Variants in MRPS23 observed in about 807,000 individuals in gnomAD.
MRPS23 encodes small ribosomal subunit protein mS23.
Under a neutral mutation model 19.8 loss-of-function variants are expected in MRPS23, and 14 were observed. That is an observed-to-expected ratio of 0.71 (90% CI 0.47 to 1.11). The LOEUF (loss-of-function observed/expected upper bound fraction) is 1.11. MRPS23 is among the 50% of genes least tolerant of loss of function. The probability of loss-of-function intolerance (pLI) is 0.00; values close to 1 mark genes in which losing one functional copy is unlikely to be tolerated. For synonymous variants in MRPS23, 113 were observed against 89.7 expected (o/e 1.26, Z -1.47); for missense variants, 242 against 236.7 (o/e 1.02, Z -0.15).
In MRPS23 at chr17:57,837,825, A is replaced by C. The variant is rs551526619; in HGVS notation, c.*1958T>G. 1.1e-3 allele frequency: 162 copies of C among 153,204 alleles called. No homozygotes were observed. Among genetic ancestry groups the C allele is most frequent in the Middle Eastern group, 3.3e-3 (1 of 300 alleles). 9.5% of individuals were successfully genotyped at this position (153,204 alleles called of 1,614,324 possible). The stretch of plus-strand genomic sequence containing the variant: ...ATCTCTACAAAAAAAAACAAACAAA[A>C]AAAATGTTAAAGAGCCAGGCGTGGT... On this transcript the variant is annotated 3_prime_UTR_variant, in exon 5 of 5. Transcript: ENST00000313608.
intron 1 of MRPS23, 66 bp downstream of exon 1, chr17:57,849,901 C>A: frequency 6.5e-7 from 1 of 1,533,292 alleles, no homozygotes; most frequent in Non-Finnish European, 8.8e-7. Context: ...CAAGGAAGAG[C>A]GTGACCGGCT....
In MRPS23 at chr17:57,844,894, T is replaced by TTTTA. The variant is rs550238049; in HGVS notation, c.216-3638_216-3635dup. 2.0e-5 allele frequency among the ~76,000 whole-genome samples: 3 copies of TTTTA among 151,986 alleles called. 1 individual carries two copies. The highest frequency in any genetic ancestry group is 1.9e-4 in the East Asian group (1 of 5,196). On this transcript the variant is annotated intron_variant, in intron 2 of 4. Transcript: ENST00000313608. ...AGAAGCACAAATGATTTTTTAAATTTTTTATTTATTTATTTATTTTTGAGT... is the reference window on the plus strand; with the variant it reads ...AGAAGCACAAATGATTTTTTAAATTTTTTATTTATTTATTTATTTATTTTTGAGT...
At chr17:57,846,724 G>A (rs542698090) in intron 2 of MRPS23, among the ~76,000 whole-genome samples, 6 of 151,864 alleles carry the variant, frequency 4.0e-5, no homozygotes, top group African/African-American at 1.2e-4. Flanking sequence ...CAGCATGCTC[G>A]TTAAGAGTCA....
In MRPS23 at chr17:57,849,325, G is replaced by C; in HGVS notation, c.130C>G (p.Pro44Ala). 6.2e-7 allele frequency: 1 copy of C among 1,614,214 alleles called. No individual in the cohort carries two copies. The highest frequency in any genetic ancestry group is 8.5e-7 in the Non-Finnish European group (1 of 1,180,048). The change falls in exon 2 of 5, where the codon CCC becomes GCC. Residue 44 changes from proline (P) to alanine (A), a missense_variant. Coordinates refer to ENST00000313608, the MANE Select transcript of MRPS23 (RefSeq NM_016070.4). Reference sequence around the variant, plus strand: ...CGCACTCGAGGCCTTTGGAAGACGGGCTCCCTCAGCGGGGGAAAGGCGTCA... The same window carrying C: ...CGCACTCGAGGCCTTTGGAAGACGGCCTCCCTCAGCGGGGGAAAGGCGTCA... The part of the protein sequence containing the change: ...VYDAFPPLRE[P>A]VFQRPRVRYG...
At chr17:57,846,195 G>C (rs559904160) in intron 2 of MRPS23, among the ~76,000 whole-genome samples, 1 of 150,530 alleles carries the variant, frequency 6.6e-6, no homozygotes, top group Non-Finnish European at 1.5e-5. Context: ...CGCCCCGTCC[G>C]GGAGGGAGGT....
At chr17:57,846,026 A>T (rs1311298875) in intron 2 of MRPS23, among the ~76,000 whole-genome samples, 2 of 152,142 alleles carry the variant, frequency 1.3e-5, no homozygotes, top group African/African-American at 4.8e-5. Context: ...AATTCAGGGC[A>T]CACAAAAGGG....
intron 2 of MRPS23, among the ~76,000 whole-genome samples, chr17:57,844,680 G>A (rs557805310): frequency 2.0e-5 from 3 of 147,328 alleles, no homozygotes; most frequent in Non-Finnish European, 4.5e-5. Context: ...CTGAGAAGGA[G>A]AAATGCTTGA....
chr17:57,848,428 G>A (rs2073790352), intron 2 of MRPS23, among the ~76,000 whole-genome samples: 1 of 152,002 alleles, frequency 6.6e-6, no homozygotes, highest in Non-Finnish European at 1.5e-5. Context: ...AGGCTGGAGT[G>A]CAGTGGTGGG....
rs72033122 is a variant in MRPS23 at position 57,837,988 on chromosome 17, T to TA, written c.*1794dup. The TA allele has an allele frequency of 0.045, 6,081 of 134,416 alleles. 143 individuals carry two copies. The highest frequency in any genetic ancestry group is 0.071 in the Middle Eastern group (18 of 252). The allele number at this position is 134,416 out of a possible 1,614,324, so 8.3% of individuals were successfully genotyped here. ...AGACCCCCATCTCCTAAAACAAAAT[T>TA]AAAAAAAAAAAAAATTAAGGCCAGG... On this transcript the variant is annotated 3_prime_UTR_variant, in exon 5 of 5. Transcript: ENST00000313608.
intron 2 of MRPS23, among the ~76,000 whole-genome samples, chr17:57,842,182 G>C (rs2073743969): frequency 6.6e-6 from 1 of 152,076 alleles, no homozygotes; most frequent in Non-Finnish European, 1.5e-5. Context: ...GCCTGGCTAA[G>C]TTTTAAATTT....
chr17:57,835,812 G>A lies in MRPS23; in HGVS notation c.*3971C>T. 1 of 152,172 alleles carries A rather than the reference G, an allele frequency of 6.6e-6. No homozygotes were observed. Among genetic ancestry groups the A allele is most frequent in the East Asian group, 1.9e-4 (1 of 5,194 alleles). 9.4% of individuals were successfully genotyped at this position (152,172 alleles called of 1,614,324 possible). A position where few individuals can be genotyped will look rare whatever the true frequency, so the allele number is the denominator to read the frequency against. On this transcript the variant is annotated 3_prime_UTR_variant, in exon 5 of 5. Transcript: ENST00000313608. ...TCTAGAACCCAAATCTTCATTACTTGTCTGGGGCAAACTTCACTGTAACCT... is the reference window on the plus strand; with the variant it reads ...TCTAGAACCCAAATCTTCATTACTTATCTGGGGCAAACTTCACTGTAACCT...
chr17:57,835,059 G>A lies in MRPS23; in HGVS notation c.*4724C>T, dbSNP rs557349500. The A allele has an allele frequency of 6.6e-6, 1 of 152,302 alleles. No individual in the cohort carries two copies. Among genetic ancestry groups the A allele is most frequent in the East Asian group, 1.9e-4 (1 of 5,172 alleles). The allele number at this position is 152,302 out of a possible 1,614,324, so 9.4% of individuals were successfully genotyped here. On this transcript the variant is annotated 3_prime_UTR_variant, in exon 5 of 5. Transcript: ENST00000313608. ...GACATATAGATGATGGAAGACATGG[G>A]ACGTGAATTTCTTTTGCTGGCTTTC...
Position 57,849,971 on chromosome 17 carries a change from A to T in MRPS23, c.40T>A (p.Ser14Thr). Residue 14 changes from serine (S) to threonine (T), a missense_variant, in exon 1 of 5, where the codon TCT becomes ACT. Ser to Thr is a moderately conservative substitution (Grantham distance 58). Coordinates refer to ENST00000313608, the MANE Select transcript of MRPS23 (RefSeq NM_016070.4). ...ACCACGGCTGGGAGCACACACCGAGAGAAGATGCTCCCTACGGTTTCCAGC... is the reference window on the plus strand; with the variant it reads ...ACCACGGCTGGGAGCACACACCGAGTGAAGATGCTCCCTACGGTTTCCAGC... ...SRLETVGSIF[S>T]RTRDLVRAGV... 1 of 1,589,590 alleles carries T rather than the reference A, an allele frequency of 6.3e-7. No individual in the cohort carries two copies. The highest frequency in any genetic ancestry group is 8.5e-7 in the Non-Finnish European group (1 of 1,174,522).
chr17:57,843,349 C>T (rs956353917), intron 2 of MRPS23, among the ~76,000 whole-genome samples: 3 of 151,840 alleles, frequency 2.0e-5, no homozygotes, highest in African/African-American at 7.3e-5. Flanking sequence ...AGGTAAGAAA[C>T]CAGAACTCTT....
intron 2 of MRPS23, among the ~76,000 whole-genome samples, chr17:57,846,437 C>T (rs1343192037): frequency 1.3e-5 from 2 of 152,058 alleles, no homozygotes; most frequent in African/African-American, 4.8e-5. Context: ...TCATTGAGAA[C>T]GGGCCATGAT....
intron 2 of MRPS23, among the ~76,000 whole-genome samples, chr17:57,847,656 C>T (rs1378338054): frequency 1.4e-5 from 1 of 69,980 alleles, no homozygotes; most frequent in African/African-American, 4.1e-5. Flanking sequence ...AGTGAGACTC[C>T]ATCTCGAAAA....
At position 57,849,956 on chromosome 17, in the gene MRPS23, G is replaced by A. The variant is rs753677309; in HGVS notation, c.44+11C>T. ...AGGCACCCTCAGCCCACCACGGCTG[G>A]GAGCACACACCGAGAGAAGATGCTC... On this transcript the variant is annotated intron_variant, in intron 1 of 4. Transcript: ENST00000313608. 1.3e-6 allele frequency: 2 copies of A among 1,585,776 alleles called. No homozygotes were observed. The highest frequency in any genetic ancestry group is 1.7e-5 in the Admixed American group (1 of 58,174).
chr17:57,842,907 C>T (rs1488301386), intron 2 of MRPS23, among the ~76,000 whole-genome samples: 9 of 140,688 alleles, frequency 6.4e-5, no homozygotes, highest in African/African-American at 7.8e-5. Flanking sequence ...CACACACACA[C>T]ACACACACAC....
At chr17:57,846,895 A>G (rs1485983808) in intron 2 of MRPS23, among the ~76,000 whole-genome samples, 1 of 151,752 alleles carries the variant, frequency 6.6e-6, no homozygotes, top group Non-Finnish European at 1.5e-5. Context: ...TCCGAGAAAC[A>G]CCCAAGAATG....
Sources: gnomAD v4.1 joint callset for allele counts (sites outside exome capture counted in the v4.1 genomes callset) on GRCh38, gnomAD v4.1.1 for gene constraint, MANE v1.5 for transcripts, NCBI Gene and HGNC (gene_info 2026-07-23, HGNC 2026-07-21) for gene names.